The following RPH3AL variants were observed in gnomAD, a reference collection of about 807,000 sequenced individuals.
The protein encoded by RPH3AL is rab effector Noc2.
RPH3AL carries 38 observed loss-of-function variants against 43.1 expected under a neutral mutation model. That is an observed-to-expected ratio of 0.88 (90% confidence interval 0.68 to 1.15). The LOEUF is 1.15. Among genes scored for constraint, RPH3AL ranks in the 50% most tolerant of loss-of-function variants. The pLI, the probability that RPH3AL is intolerant of heterozygous loss-of-function variation, is 0.00. For missense variants in RPH3AL, 462 were observed against 423.2 expected, an observed-to-expected ratio of 1.09 and a Z score of -0.81; for synonymous variants, 189 against 176.3, an observed-to-expected ratio of 1.07 and a Z score of -0.57.
Position 272,995 on chromosome 17 carries a change from T to TGAGACCCCAGCGAGGGTGACGTCAGGGA in RPH3AL, c.438+8772_438+8773insTCCCTGACGTCACCCTCGCTGGGGTCTC, listed in dbSNP as rs2042531353. Among the ~76,000 whole-genome samples, 18 of 32,814 alleles carry TGAGACCCCAGCGAGGGTGACGTCAGGGA rather than the reference T, an allele frequency of 5.5e-4. 2 individuals are homozygous for TGAGACCCCAGCGAGGGTGACGTCAGGGA. Among genetic ancestry groups the TGAGACCCCAGCGAGGGTGACGTCAGGGA allele is most frequent in the Admixed American group, 1.8e-3 (5 of 2,822 alleles). 21.5% of individuals were successfully genotyped at this position (32,814 alleles called of 152,430 possible). On this transcript the variant is annotated intron_variant, in intron 6 of 9. Transcript: ENST00000331302. ...GACCCCAGCAAGGGCTACGTCAGGG[T>TGAGACCCCAGCGAGGGTGACGTCAGGGA]GAGACCCCAGCGAGGGCGACATCAG...
intron 2 of RPH3AL, chr17:331,221 CT>C (rs2044750787): frequency 2.3e-5 from 1 of 43,894 alleles, no homozygotes; most frequent in African/African-American, 6.9e-5. Flanking sequence ...GTCCCCACCC[CT>C]CTCACTGCTG....
chr17:316,540 TCCACCTCCACTGACATGTAGTCCC>T (rs2044207855), intron 5 of RPH3AL, among the ~76,000 whole-genome samples: 1 of 64,766 alleles, frequency 1.5e-5, no homozygotes, highest in African/African-American at 6.5e-5. Context: ...TCCCTGTGAC[TCCACCTCCACTGACATGTAGTCCC>T]TGTGCCCCAC....
Position 215,686 on chromosome 17 carries a change from C to T in RPH3AL, c.844G>A (p.Gly282Arg). 1 of 1,275,580 alleles carries T rather than the reference C, an allele frequency of 7.8e-7. No homozygotes were observed. Among genetic ancestry groups the T allele is most frequent in the Non-Finnish European group, 9.9e-7 (1 of 1,005,538 alleles). 79.0% of individuals were successfully genotyped at this position (1,275,580 alleles called of 1,614,324 possible). A position where few individuals can be genotyped will look rare whatever the true frequency, so the allele number is the denominator to read the frequency against. Residue 282 changes from glycine to arginine, a missense_variant, in exon 9 of 10, where the codon GGA becomes AGA. Transcript: ENST00000331302. This position sits in a 1 kb window ranked among gnomAD's most constrained non-coding sequence, Gnocchi z 4.1. ...TGTGSADPPGGPRPGLTRRAP... is the reference protein window; with the variant it reads ...TGTGSADPPGRPRPGLTRRAP... ...CTTCGGGTCAGCCCGGGGCGGGGTC[C>T]CCCTGGCGGGTCAGCAGAGCCTGTC...
chr17:273,455 G>A (rs1248727655), intron 6 of RPH3AL, among the ~76,000 whole-genome samples: 7 of 46,792 alleles, frequency 1.5e-4, no homozygotes, highest in African/African-American at 4.2e-4. Context: ...AGACCCCAGC[G>A]AGGGCGACGT....
At chr17:261,056 C>T (rs944579450) in intron 6 of RPH3AL, among the ~76,000 whole-genome samples, 1 of 152,212 alleles carries the variant, frequency 6.6e-6, no homozygotes, top group African/African-American at 2.4e-5. Flanking sequence ...CCCATGATGG[C>T]GGGAGCCAGG....
chr17:302,473 G>GC (rs1178719429), intron 5 of RPH3AL, among the ~76,000 whole-genome samples: 1 of 152,226 alleles, frequency 6.6e-6, no homozygotes, highest in Non-Finnish European at 1.5e-5. Flanking sequence ...TCAGACGTGG[G>GC]CAGGTGTGTC....
intron 8 of RPH3AL, among the ~76,000 whole-genome samples, chr17:218,484 C>T (rs1441201370): frequency 6.6e-6 from 1 of 152,256 alleles, no homozygotes; most frequent in African/African-American, 2.4e-5. Context: ...TCAGGACCTC[C>T]AAGGCATTTC....
At chr17:294,154 G>T (rs12452413) in intron 5 of RPH3AL, among the ~76,000 whole-genome samples, 87,376 of 151,980 alleles carry the variant, frequency 0.57, 25,231 homozygotes, top group East Asian at 0.59. Flanking sequence ...GGACACAGTG[G>T]TGCCAGGTAC....
At chr17:317,702 G>T (rs934307839) in intron 5 of RPH3AL, among the ~76,000 whole-genome samples, 6 of 152,224 alleles carry the variant, frequency 3.9e-5, no homozygotes, top group Non-Finnish European at 8.8e-5. Context: ...ACAAAAGCAG[G>T]AAAAGAAATG....
At chr17:235,111 G>C (rs1470108185) in intron 7 of RPH3AL, among the ~76,000 whole-genome samples, 4 of 152,116 alleles carry the variant, frequency 2.6e-5, no homozygotes, top group African/African-American at 9.7e-5. Flanking sequence ...CGGGTTCAAA[G>C]CTGGGGTCGG....
intron 7 of RPH3AL, among the ~76,000 whole-genome samples, chr17:232,561 C>T (rs1028946656): frequency 6.6e-6 from 1 of 152,160 alleles, no homozygotes; most frequent in African/African-American, 2.4e-5. Context: ...ACGGTGGCCT[C>T]GGGCAGTGCA....
intron 5 of RPH3AL, among the ~76,000 whole-genome samples, chr17:311,991 T>A (rs146048460): frequency 1.1e-4 from 17 of 152,242 alleles, no homozygotes; most frequent in Non-Finnish European, 2.2e-4. Flanking sequence ...CCTAATCCGA[T>A]AGGACTAGTG....
chr17:325,875 G>A (rs1567525565), intron 3 of RPH3AL, among the ~76,000 whole-genome samples: 1 of 152,198 alleles, frequency 6.6e-6, no homozygotes, highest in Admixed American at 6.5e-5. Flanking sequence ...CTCTGCGGCT[G>A]GAGTTTAGTA....
At position 289,576 on chromosome 17, in the gene RPH3AL, T is replaced by C. The variant is rs2042998618; in HGVS notation, c.352-7722A>G. Among the ~76,000 whole-genome samples, 1 of 152,126 alleles carries C rather than the reference T, an allele frequency of 6.6e-6. No homozygotes were observed. Among genetic ancestry groups the C allele is most frequent in the Admixed American group, 6.5e-5 (1 of 15,270 alleles). ...GAGGCAAATCTAATCATGTCACCTC[T>C]CCCATCCCTCCCAACTTAAAAGCCA... On this transcript the variant is annotated intron_variant, in intron 5 of 9. Coordinates refer to ENST00000331302, the MANE Select transcript of RPH3AL (RefSeq NM_006987.4). The surrounding 1 kb of genome is among the most constrained non-coding windows in gnomAD (Gnocchi z 5.2).
At chr17:279,890 C>T (rs1158433409) in intron 6 of RPH3AL, among the ~76,000 whole-genome samples, 1 of 152,172 alleles carries the variant, frequency 6.6e-6, no homozygotes, top group Non-Finnish European at 1.5e-5. Context: ...GTTTTGCCCA[C>T]TTCAACAGTC....
chr17:302,696 C>T (rs1466802359), intron 5 of RPH3AL, among the ~76,000 whole-genome samples: 1 of 152,204 alleles, frequency 6.6e-6, no homozygotes, highest in East Asian at 1.9e-4. Flanking sequence ...GTGTGAGCCG[C>T]CTGGAAAAGG....
intron 1 of RPH3AL, chr17:341,137 C>G (rs1308295295): frequency 6.6e-6 from 1 of 151,668 alleles, no homozygotes; most frequent in African/African-American, 2.5e-5. Flanking sequence ...CCAGGTCTCC[C>G]CACATCCACA....
chr17:215,934 CTGG>C lies in RPH3AL; in HGVS notation c.728-135_728-133del. On this transcript the variant is annotated intron_variant, in intron 8 of 9. Transcript: ENST00000331302. This position sits in a 1 kb window ranked among gnomAD's most constrained non-coding sequence, Gnocchi z 4.1. ...ACCCCACCCACATGGCTGCCAGGCT[CTGG>C]CCTGACCTCACCCACATGGCTGCCG... 1 of 785,962 alleles carries C rather than the reference CTGG, an allele frequency of 1.3e-6. No individual in the cohort carries two copies. The highest frequency in any genetic ancestry group is 1.8e-6 in the Non-Finnish European group (1 of 547,216). 48.7% of individuals were successfully genotyped at this position (785,962 alleles called of 1,614,324 possible).
intron 7 of RPH3AL, among the ~76,000 whole-genome samples, chr17:221,637 G>GC (rs2040979025): frequency 2.3e-5 from 2 of 85,604 alleles, no homozygotes; most frequent in Non-Finnish European, 5.2e-5. Context: ...AGCTCTGAGG[G>GC]CTCCACTCAC....
Sources: allele counts gnomAD v4.1 joint callset (sites outside exome capture counted in the v4.1 genomes callset), GRCh38; gene constraint gnomAD v4.1.1; non-coding constraint Gnocchi (gnomAD v3.1); transcripts MANE v1.5; gene names NCBI Gene and HGNC (gene_info 2026-07-23, HGNC 2026-07-21).